TSNAXIP1: variants seen among roughly 807,000 people sequenced by gnomAD.
The protein encoded by TSNAXIP1 is translin associated factor X interacting protein 1.
A neutral mutation model predicts 84.8 loss-of-function variants in TSNAXIP1; 89 were observed. That is an observed-to-expected ratio of 1.05 (90% confidence interval 0.88 to 1.25). The LOEUF (loss-of-function observed/expected upper bound fraction) is 1.25. TSNAXIP1 is among the 50% of genes most tolerant of loss of function. The pLI, the probability that TSNAXIP1 is intolerant of heterozygous loss-of-function variation, is 0.00. For missense variants in TSNAXIP1, 874 were observed against 887.6 expected, an observed-to-expected ratio of 0.98 and a Z score of 0.20; for synonymous variants, 347 against 335.2, an observed-to-expected ratio of 1.04 and a Z score of -0.39.
Position 67,825,271 on chromosome 16 carries a change from A to G in TSNAXIP1, c.813A>G (p.Pro271=). The G allele has an allele frequency of 6.2e-7, 1 of 1,614,006 alleles. No individual in the cohort carries two copies. Among genetic ancestry groups the G allele is most frequent in the Non-Finnish European group, 8.5e-7 (1 of 1,179,922 alleles). The part of the protein sequence containing the change: ...QREDMSLAQS[P]GIWGEDPVKL... Reference sequence around the variant, plus strand: ...AGGACATGTCATTAGCCCAGTCGCCAGGTAAGCCTGAATTGGGAATCGGGT... The same window carrying G: ...AGGACATGTCATTAGCCCAGTCGCCGGGTAAGCCTGAATTGGGAATCGGGT... The change falls in exon 7 of 16, where the codon CCA becomes CCG. Residue 271 remains proline (P), a splice_region_variant and synonymous_variant. Transcript: ENST00000561639.
chr16:67,827,451 CCT>C lies in TSNAXIP1; in HGVS notation c.1792-21_1792-20del, dbSNP rs766036533. ...TGGACCCTACCCAATGTGCCCTCCC[CCT>C]GACTTGTGGCCCCTCCCAGGATGAG... On this transcript the variant is annotated intron_variant, in intron 14 of 15. Coordinates refer to ENST00000561639, the MANE Select transcript of TSNAXIP1 (RefSeq NM_001288990.3). 3.7e-6 allele frequency: 6 copies of C among 1,614,014 alleles called. No individual in the cohort carries two copies. The Admixed American group carries it at 5.0e-5, about 13-fold the overall frequency.
intron 5 of TSNAXIP1, 60 bp downstream of exon 5, chr16:67,823,779 A>G: frequency 6.9e-7 from 1 of 1,451,696 alleles, no homozygotes; most frequent in South Asian, 1.1e-5. Flanking sequence ...GCACTTTAGG[A>G]GGCCGAGGCG....
chr16:67,819,234 T>C (rs560690046), intron 2 of TSNAXIP1, among the ~76,000 whole-genome samples: 1 of 151,630 alleles, frequency 6.6e-6, no homozygotes, highest in East Asian at 1.9e-4. Flanking sequence ...ATTACATCCA[T>C]TTTGATAGTC....
intron 1 of TSNAXIP1, 30 bp downstream of exon 1, chr16:67,807,226 T>G (rs7199443): frequency 0.19 from 294,028 of 1,535,578 alleles, 35,921 homozygotes; most frequent in African/African-American, 0.6. Context: ...AGGGCAGAGA[T>G]GAGGGTTTGA....
At chr16:67,807,218 G>T in intron 1 of TSNAXIP1, 22 bp downstream of exon 1, 1 of 1,535,978 alleles carries the variant, frequency 6.5e-7, no homozygotes, top group Non-Finnish European at 8.7e-7. Flanking sequence ...CAGGGATGAG[G>T]GCAGAGATGA....
chr16:67,808,004 T>C, intron 1 of TSNAXIP1, among the ~76,000 whole-genome samples: 1 of 152,134 alleles, frequency 6.6e-6, no homozygotes, highest in South Asian at 2.1e-4. Context: ...TTTTCTAGTT[T>C]TGGGACTTCA....
chr16:67,826,500 A>C lies in TSNAXIP1; in HGVS notation c.1339A>C (p.Ser447Arg), dbSNP rs1409396730. Reference sequence around the variant, plus strand: ...TGGCCTCGTGGAGAACAAGAAGCCAAGCAAGAAGGACGTGGTCAACCTCCT... The same window carrying C: ...TGGCCTCGTGGAGAACAAGAAGCCACGCAAGAAGGACGTGGTCAACCTCCT... Reference protein sequence around the residue: ...FDGLVENKKPSKKDVVNLLKD... With the variant: ...FDGLVENKKPRKKDVVNLLKD... The change falls in exon 11 of 16, where the codon AGC (serine) becomes CGC (arginine). Residue 447 changes from serine (S) to arginine (R), a missense_variant. By Grantham distance (110) the Ser-to-Arg change is moderately radical. Coordinates refer to ENST00000561639, the MANE Select transcript of TSNAXIP1 (RefSeq NM_001288990.3). The C allele has an allele frequency of 1.9e-6, 3 of 1,614,064 alleles. No homozygotes were observed. The highest frequency in any genetic ancestry group is 4.5e-5 in the East Asian group (2 of 44,892).
chr16:67,808,634 A>T (rs2055723126), intron 1 of TSNAXIP1, among the ~76,000 whole-genome samples: 1 of 151,932 alleles, frequency 6.6e-6, no homozygotes, highest in African/African-American at 2.4e-5. Flanking sequence ...GCTACTTGGG[A>T]GGCTGAGGCA....
chr16:67,817,955 A>C (rs554594401), intron 2 of TSNAXIP1, among the ~76,000 whole-genome samples: 1 of 152,220 alleles, frequency 6.6e-6, no homozygotes, highest in Admixed American at 6.5e-5. Flanking sequence ...TCACACCTGT[A>C]ATCCCAGCAT....
intron 2 of TSNAXIP1, among the ~76,000 whole-genome samples, chr16:67,818,348 T>C (rs2151224756): frequency 6.6e-6 from 1 of 152,246 alleles, no homozygotes; most frequent in South Asian, 2.1e-4. Flanking sequence ...ATTTCATCTC[T>C]ACAAAAAAGA....
At chr16:67,825,865 G>A (rs751423025) in intron 8 of TSNAXIP1, 29 bp downstream of exon 8, 5 of 1,613,958 alleles carry the variant, frequency 3.1e-6, no homozygotes, top group African/African-American at 2.7e-5. Flanking sequence ...GGCCAGGAGG[G>A]TAGGACGGGG....
chr16:67,817,295 G>A (rs747425911), intron 2 of TSNAXIP1, among the ~76,000 whole-genome samples: 1 of 150,042 alleles, frequency 6.7e-6, no homozygotes, highest in East Asian at 1.9e-4. Flanking sequence ...GACTACAGGC[G>A]CCCGCCACCG....
intron 1 of TSNAXIP1, chr16:67,807,835 A>G (rs2055613186): frequency 6.2e-6 from 1 of 161,024 alleles, no homozygotes; most frequent in Non-Finnish European, 1.4e-5. Flanking sequence ...ATTACCATTG[A>G]ACAAGTAAAG....
intron 2 of TSNAXIP1, among the ~76,000 whole-genome samples, chr16:67,820,453 CA>C (rs1037341434): frequency 6.6e-6 from 1 of 152,022 alleles, no homozygotes; most frequent in African/African-American, 2.4e-5. Context: ...GTTTGTAAAA[CA>C]CATCAGGGCT....
intron 4 of TSNAXIP1, among the ~76,000 whole-genome samples, chr16:67,822,584 G>GAGAGAT (rs2057147900): frequency 1.3e-5 from 2 of 152,038 alleles, no homozygotes; most frequent in Admixed American, 6.6e-5. Context: ...GAGAGAGAGA[G>GAGAGAT]AGAGAGATCA....
intron 1 of TSNAXIP1, among the ~76,000 whole-genome samples, chr16:67,811,825 G>C (rs2056112176): frequency 6.6e-6 from 1 of 152,092 alleles, no homozygotes. Context: ...TGGTCTCCAA[G>C]ACTGTCTCAC....
In TSNAXIP1 at chr16:67,825,748, T is replaced by C. The variant is rs2151265361; in HGVS notation, c.896T>C (p.Leu299Pro). The change falls in exon 8 of 16, where the codon CTC becomes CCC. Residue 299 changes from leucine (L) to proline (P), a missense_variant. Leu to Pro is a moderately conservative substitution (Grantham distance 98). Coordinates refer to ENST00000561639, the MANE Select transcript of TSNAXIP1 (RefSeq NM_001288990.3). ...GACCTGACCCGCACGCAGATGGAAC[T>C]CAACAACATGAAGGCCAACTTTGGA... ...RQDLTRTQME[L>P]NNMKANFGDV... 6.2e-7 allele frequency: 1 copy of C among 1,614,096 alleles called. No individual in the cohort carries two copies. Among genetic ancestry groups the C allele is most frequent in the East Asian group, 2.2e-5 (1 of 44,876 alleles).
intron 1 of TSNAXIP1, 98 bp from the exon 2 acceptor site, chr16:67,814,204 C>T: frequency 1.0e-6 from 1 of 986,980 alleles, no homozygotes; most frequent in Non-Finnish European, 1.5e-6. Flanking sequence ...GAGCCTGGCT[C>T]AGGGAGACGG....
In TSNAXIP1 at chr16:67,820,888, C is replaced by A; in HGVS notation, c.197C>A (p.Thr66Asn). 1 of 1,601,570 alleles carries A rather than the reference C, an allele frequency of 6.2e-7. No homozygotes were observed. The highest frequency in any genetic ancestry group is 8.5e-7 in the Non-Finnish European group (1 of 1,174,026). Residue 66 changes from threonine to asparagine, a missense_variant, in exon 3 of 16, where the codon ACC (threonine) becomes AAC (asparagine). Transcript: ENST00000561639. ...GGHLSPWPTY[T>N]SGQTILQNRK... is the part of the protein sequence containing the mutation. The stretch of plus-strand genomic sequence containing the variant: ...CACCTGTCCCCATGGCCCACATACA[C>A]CAGTGGCCAGACCATTTTGCAAAAT...
Sources: gnomAD v4.1 joint callset for allele counts (sites outside exome capture counted in the v4.1 genomes callset) on GRCh38, gnomAD v4.1.1 for gene constraint, MANE v1.5 for transcripts, NCBI Gene and HGNC (gene_info 2026-07-23, HGNC 2026-07-21) for gene names.